Variants in PABPC4L observed in about 807,000 individuals in gnomAD.
The protein encoded by PABPC4L is poly(A) binding protein cytoplasmic 4 like, also known as polyadenylate-binding protein 4-like.
For missense variants in PABPC4L, 452 were observed against 451.4 expected (o/e 1.00, Z -0.01); for synonymous variants, 169 against 164.1 (o/e 1.03, Z -0.23).
At chr4:134,073,317 G>A in the PABPC4L span, among the ~76,000 whole-genome samples, 9 of 152,160 alleles carry the variant, frequency 5.9e-5, no homozygotes, top group African/African-American at 2.2e-4. Context: ...AAATCTAATA[G>A]GTCACCCATT....
At chr4:134,034,005 A>C in the PABPC4L span, among the ~76,000 whole-genome samples, 1 of 151,986 alleles carries the variant, frequency 6.6e-6, no homozygotes, top group African/African-American at 2.4e-5. Context: ...GAACTTTCAT[A>C]GCGGGAGAGG....
At chr4:134,054,378 T>A in the PABPC4L span, among the ~76,000 whole-genome samples, 1 of 150,328 alleles carries the variant, frequency 6.7e-6, no homozygotes, top group Admixed American at 6.7e-5. Context: ...AATTTCAGTA[T>A]AATAGAGATC....
At chr4:134,152,561 T>C in the PABPC4L span, among the ~76,000 whole-genome samples, 1 of 152,102 alleles carries the variant, frequency 6.6e-6, no homozygotes, top group Non-Finnish European at 1.5e-5. Flanking sequence ...CCAGCACTCC[T>C]GCATTCTGGG....
At chr4:134,013,679 A>G in the PABPC4L span, among the ~76,000 whole-genome samples, 3 of 152,008 alleles carry the variant, frequency 2.0e-5, no homozygotes, top group Non-Finnish European at 4.4e-5. Flanking sequence ...TCTTTTACAC[A>G]TCGGTCCCTC....
the PABPC4L span, among the ~76,000 whole-genome samples, chr4:134,184,055 G>C: frequency 5.3e-5 from 8 of 151,728 alleles, no homozygotes; most frequent in African/African-American, 1.7e-4. Flanking sequence ...AGAAGAAAAA[G>C]ATGGAAGATT....
At chr4:134,026,627 C>T in the PABPC4L span, among the ~76,000 whole-genome samples, 1 of 152,006 alleles carries the variant, frequency 6.6e-6, no homozygotes, top group African/African-American at 2.4e-5. Flanking sequence ...GTGTCCCCCC[C>T]CAAAATTCAT....
chr4:134,051,073 A>T, the PABPC4L span, among the ~76,000 whole-genome samples: 120 of 152,254 alleles, frequency 7.9e-4, no homozygotes, highest in African/African-American at 2.7e-3. Context: ...AAAGGTTATC[A>T]ACCAGATGTC....
At chr4:134,125,348 C>G in the PABPC4L span, among the ~76,000 whole-genome samples, 2 of 151,688 alleles carry the variant, frequency 1.3e-5, no homozygotes, top group African/African-American at 4.8e-5. Flanking sequence ...TTTTAGGGTA[C>G]ATGTGCACAA....
At chr4:133,953,435 G>T in the PABPC4L span, among the ~76,000 whole-genome samples, 33 of 152,076 alleles carry the variant, frequency 2.2e-4, no homozygotes, top group Non-Finnish European at 5.9e-5. Context: ...TCAATCTTTT[G>T]TAGTTTCTTA....
the PABPC4L span, among the ~76,000 whole-genome samples, chr4:134,123,829 A>G: frequency 1.3e-3 from 198 of 152,092 alleles, 1 homozygote; most frequent in African/African-American, 4.3e-3. Flanking sequence ...AAAAAAAAAG[A>G]AACTGTCAAA....
the PABPC4L span, among the ~76,000 whole-genome samples, chr4:134,002,728 G>A: frequency 7.2e-4 from 109 of 152,034 alleles, no homozygotes; most frequent in African/African-American, 2.6e-3. Flanking sequence ...GCCAGGATAT[G>A]AGGCAGGCAA....
At chr4:134,007,421 C>T in the PABPC4L span, among the ~76,000 whole-genome samples, 220 of 151,694 alleles carry the variant, frequency 1.5e-3, no homozygotes, top group African/African-American at 4.9e-3. Context: ...AGTACTACTT[C>T]TTTAGTAACC....
the PABPC4L span, among the ~76,000 whole-genome samples, chr4:134,005,109 C>T: frequency 1.3e-5 from 2 of 151,700 alleles, no homozygotes; most frequent in Non-Finnish European, 2.9e-5. Flanking sequence ...TTTAAATAAT[C>T]TCATCACAAA....
chr4:134,144,016 T>A, the PABPC4L span, among the ~76,000 whole-genome samples: 2 of 151,642 alleles, frequency 1.3e-5, no homozygotes, highest in African/African-American at 4.8e-5. Context: ...AAAGATCATA[T>A]GCCTTAATCC....
chr4:134,155,770 A>G, the PABPC4L span, among the ~76,000 whole-genome samples: 1 of 151,988 alleles, frequency 6.6e-6, no homozygotes, highest in Non-Finnish European at 1.5e-5. Context: ...ATCAGAAGAT[A>G]AATATTTTTG....
At chr4:134,137,789 A>T in the PABPC4L span, among the ~76,000 whole-genome samples, 3 of 151,818 alleles carry the variant, frequency 2.0e-5, no homozygotes, top group Non-Finnish European at 4.4e-5. Flanking sequence ...TCTTAACTAG[A>T]ATTCCAACCC....
the PABPC4L span, among the ~76,000 whole-genome samples, chr4:134,112,835 G>A: frequency 6.6e-6 from 1 of 151,692 alleles, no homozygotes; most frequent in Non-Finnish European, 1.5e-5. Flanking sequence ...AGCTCAGGGA[G>A]GTTCTTTAGG....
the PABPC4L span, among the ~76,000 whole-genome samples, chr4:133,949,486 G>T: frequency 3.3e-5 from 5 of 152,116 alleles, no homozygotes; most frequent in African/African-American, 1.2e-4. Flanking sequence ...CAGTGAAGGG[G>T]CTCTCTCATA....
the PABPC4L span, among the ~76,000 whole-genome samples, chr4:134,036,393 G>A: frequency 6.6e-6 from 1 of 152,020 alleles, no homozygotes. Context: ...TGCATACCAA[G>A]CTTCAAACAT....
Sources: gnomAD v4.1 joint callset for allele counts (sites outside exome capture counted in the v4.1 genomes callset) on GRCh38, gnomAD v4.1.1 for gene constraint, MANE v1.5 for transcripts, NCBI Gene and HGNC (gene_info 2026-07-23, HGNC 2026-07-21) for gene names.